The following VWA8 variants were observed in gnomAD, a reference collection of about 807,000 sequenced individuals.
VWA8 encodes the protein von Willebrand factor A domain containing 8.
VWA8 carries 221 observed loss-of-function variants against 241.5 expected under a neutral mutation model. The ratio of observed to expected loss-of-function variants is 0.91; its 90% CI spans 0.82 to 1.02. VWA8 has a LOEUF of 1.02. VWA8 is among the 50% of genes least tolerant of loss of function. The probability of loss-of-function intolerance (pLI) is 0.00; values close to 1 mark genes in which losing one functional copy is unlikely to be tolerated. For missense variants in VWA8, 2,322 were observed against 2,328.7 expected, an observed-to-expected ratio of 1.00 and a Z score of 0.06; for synonymous variants, 852 against 827.1, an observed-to-expected ratio of 1.03 and a Z score of -0.52.
At chr13:41,923,817 T>C (rs1876683967) in intron 2 of VWA8, among the ~76,000 whole-genome samples, 1 of 149,880 alleles carries the variant, frequency 6.7e-6, no homozygotes, top group Non-Finnish European at 1.5e-5. Flanking sequence ...CTAAAGAAGC[T>C]GTAGCTACAC....
chr13:41,745,529 T>A (rs1260995102), intron 21 of VWA8, among the ~76,000 whole-genome samples: 1 of 152,092 alleles, frequency 6.6e-6, no homozygotes, highest in Non-Finnish European at 1.5e-5. Flanking sequence ...CAAACAACCC[T>A]ATCAAAAAGT....
At chr13:41,624,368 T>A (rs982000633) in intron 37 of VWA8, among the ~76,000 whole-genome samples, 1 of 151,740 alleles carries the variant, frequency 6.6e-6, no homozygotes, top group African/African-American at 2.4e-5. Context: ...AGAGACACAA[T>A]GAAAAAAGAA....
At chr13:41,741,863 G>C (rs1160279504) in intron 21 of VWA8, among the ~76,000 whole-genome samples, 1 of 152,168 alleles carries the variant, frequency 6.6e-6, no homozygotes, top group Non-Finnish European at 1.5e-5. Flanking sequence ...AAGATGACAA[G>C]GGCTGTAACA....
At position 41,727,233 on chromosome 13, in the gene VWA8, C is replaced by T. The variant is rs1228514589; in HGVS notation, c.2719G>A (p.Gly907Arg). 6.5e-7 allele frequency: 1 copy of T among 1,548,796 alleles called. No homozygotes were observed. Among genetic ancestry groups the T allele is most frequent in the Non-Finnish European group, 8.7e-7 (1 of 1,146,330 alleles). The change falls in exon 24 of 45, where the codon GGA becomes AGA. Residue 907 changes from glycine (G) to arginine (R), a missense_variant. Transcript: ENST00000379310. ...AAATCATTGCCTAGGAAAGGAAATCCAGGTCTATTTGCCAGAACAATCATC... is the reference window on the plus strand; with the variant it reads ...AAATCATTGCCTAGGAAAGGAAATCTAGGTCTATTTGCCAGAACAATCATC... ...FRMIVLANRP[G>R]FPFLGNDFFG...
At chr13:41,668,063 C>T (rs1462497828) in intron 37 of VWA8, among the ~76,000 whole-genome samples, 5 of 152,110 alleles carry the variant, frequency 3.3e-5, no homozygotes, top group African/African-American at 1.2e-4. Context: ...CTCCAGAAGG[C>T]TGAAATGTAG....
intron 40 of VWA8, among the ~76,000 whole-genome samples, chr13:41,598,240 T>C (rs1019882414): frequency 6.6e-6 from 1 of 152,102 alleles, no homozygotes; most frequent in Non-Finnish European, 1.5e-5. Context: ...CATAAATTGT[T>C]ACACTTTTAC....
chr13:41,915,419 G>C (rs1470864007), intron 2 of VWA8, among the ~76,000 whole-genome samples: 2 of 152,198 alleles, frequency 1.3e-5, no homozygotes, highest in Non-Finnish European at 2.9e-5. Flanking sequence ...AGTACTTTGG[G>C]TTGTTGTAAA....
chr13:41,571,939 G>A (rs997235598), intron 43 of VWA8, among the ~76,000 whole-genome samples: 3 of 152,042 alleles, frequency 2.0e-5, no homozygotes, highest in Non-Finnish European at 4.4e-5. Context: ...TCTGAGATGT[G>A]AGGAGCCCCT....
chr13:41,586,162 TAAA>T (rs59043149), intron 42 of VWA8, among the ~76,000 whole-genome samples: 8 of 135,116 alleles, frequency 5.9e-5, no homozygotes, highest in African/African-American at 1.9e-4. Context: ...CCATAAAGCA[TAAA>T]AAAAAAAAAA....
At chr13:41,666,224 G>C (rs1273073379) in intron 37 of VWA8, among the ~76,000 whole-genome samples, 1 of 152,096 alleles carries the variant, frequency 6.6e-6, no homozygotes, top group Non-Finnish European at 1.5e-5. Context: ...TCTTACTTCA[G>C]GGCAGATTTT....
rs542148779 is a variant in VWA8, at chr13:41,877,448, G to A, written c.1080+5939C>T. On this transcript the variant is annotated intron_variant, in intron 9 of 44. Coordinates refer to ENST00000379310, the MANE Select transcript of VWA8 (RefSeq NM_015058.2). ...AAAATAGTTATTTATTGAAATATCT[G>A]ATGCTCCTCAGACATTAATATTGTA... Among the ~76,000 whole-genome samples the A allele has an allele frequency of 5.3e-5, 8 of 151,706 alleles. 1 individual carries two copies. Among genetic ancestry groups the A allele is most frequent in the African/African-American group, 1.9e-4 (8 of 41,438 alleles).
intron 37 of VWA8, among the ~76,000 whole-genome samples, chr13:41,631,381 T>C (rs2044725829): frequency 6.6e-6 from 1 of 152,058 alleles, no homozygotes; most frequent in Admixed American, 6.6e-5. Flanking sequence ...TCTTAAATCC[T>C]GATCCTGCTT....
At chr13:41,857,970 T>C (rs1872825615) in intron 12 of VWA8, among the ~76,000 whole-genome samples, 1 of 152,232 alleles carries the variant, frequency 6.6e-6, no homozygotes, top group Non-Finnish European at 1.5e-5. Context: ...CAGTATTTGC[T>C]TTCTCTATGT....
Position 41,609,916 on chromosome 13 carries a change from G to A in VWA8, c.4877+1660C>T, listed in dbSNP as rs577867535. On this transcript the variant is annotated intron_variant, in intron 39 of 44. Coordinates refer to ENST00000379310, the MANE Select transcript of VWA8 (RefSeq NM_015058.2). ...TCCGCTAAATTCATTTGCGTTAAGG[G>A]CACAGATGCCCCTTACTTCTTCCCC... 2.6e-5 allele frequency among the ~76,000 whole-genome samples: 4 copies of A among 152,186 alleles called. No homozygotes were observed. In the South Asian group the frequency reaches 6.2e-4, roughly 24 times the overall value.
At chr13:41,766,301 T>G (rs1403180546) in intron 20 of VWA8, among the ~76,000 whole-genome samples, 1 of 152,062 alleles carries the variant, frequency 6.6e-6, no homozygotes, top group Non-Finnish European at 1.5e-5. Flanking sequence ...TACAAAACTC[T>G]ATCCATGTTC....
Position 41,680,657 on chromosome 13 carries a change from G to C in VWA8, c.4327+4390C>G, listed in dbSNP as rs116420076. 3.0e-3 allele frequency among the ~76,000 whole-genome samples: 452 copies of C among 152,254 alleles called. 2 individuals carry two copies. Among genetic ancestry groups the C allele is most frequent in the African/African-American group, 0.01 (423 of 41,538 alleles). On this transcript the variant is annotated intron_variant, in intron 35 of 44. Transcript: ENST00000379310. The stretch of plus-strand genomic sequence containing the variant: ...AGGTAATGTGAAACCACAATAAAAG[G>C]TTTGACCCTTACAAGAGTAGATTAG...
At chr13:41,614,906 C>T (rs1164968207) in intron 38 of VWA8, 70 bp downstream of exon 38, 12 of 1,458,650 alleles carry the variant, frequency 8.2e-6, no homozygotes, top group African/African-American at 2.8e-5. Flanking sequence ...TTCTCAGGGG[C>T]GATGTGCTGG....
chr13:41,589,647 G>A (rs1313993060), intron 41 of VWA8, among the ~76,000 whole-genome samples: 10 of 152,168 alleles, frequency 6.6e-5, no homozygotes, highest in Non-Finnish European at 1.5e-4. Flanking sequence ...CTAAAGTTCA[G>A]AGCTCCAAAG....
intron 1 of VWA8, among the ~76,000 whole-genome samples, chr13:41,954,697 C>A (rs372645124): frequency 2.8e-4 from 43 of 152,284 alleles, no homozygotes; most frequent in African/African-American, 9.6e-4. Context: ...ATAGGATATT[C>A]TATTTCCACT....
Sources: gnomAD v4.1 joint callset for allele counts (sites outside exome capture counted in the v4.1 genomes callset) on GRCh38, gnomAD v4.1.1 for gene constraint, MANE v1.5 for transcripts, NCBI Gene and HGNC (gene_info 2026-07-23, HGNC 2026-07-21) for gene names.